Variants in SLC26A8 observed in about 807,000 individuals in gnomAD.
The protein encoded by SLC26A8 is solute carrier family 26 member 8, also known as testis anion transporter 1.
SLC26A8 carries 70 observed loss-of-function variants against 105.0 expected under a neutral mutation model. The observed-to-expected ratio is 0.67, with a 90% confidence interval of 0.55 to 0.81. The LOEUF (loss-of-function observed/expected upper bound fraction) is 0.81. SLC26A8 is among the 40% of genes least tolerant of loss of function. The pLI, the probability that SLC26A8 is intolerant of heterozygous loss-of-function variation, is 0.00. For missense variants in SLC26A8, 998 were observed against 1,181.8 expected (o/e 0.84, Z 2.28); for synonymous variants, 415 against 438.3 (o/e 0.95, Z 0.66).
intron 1 of SLC26A8, among the ~76,000 whole-genome samples, chr6:36,021,834 A>G (rs1399944243): frequency 6.6e-6 from 1 of 152,062 alleles, no homozygotes; most frequent in African/African-American, 2.4e-5. Flanking sequence ...CCCAGGCTGG[A>G]GTGCAGTGGC....
intron 2 of SLC26A8, among the ~76,000 whole-genome samples, chr6:36,016,289 G>A (rs749636270): frequency 6.6e-5 from 10 of 152,136 alleles, no homozygotes; most frequent in East Asian, 3.8e-4. Flanking sequence ...CACTGCACCC[G>A]GCCAGGGTTC....
At chr6:36,009,370 AC>A (rs1232154771) in intron 3 of SLC26A8, among the ~76,000 whole-genome samples, 2 of 152,010 alleles carry the variant, frequency 1.3e-5, no homozygotes, top group African/African-American at 4.8e-5. Context: ...AACAACAACA[AC>A]AACAACAACA....
chr6:36,007,463 T>A (rs1562067692), intron 3 of SLC26A8, among the ~76,000 whole-genome samples: 1 of 152,014 alleles, frequency 6.6e-6, no homozygotes, highest in South Asian at 2.1e-4. Context: ...CCTAAATAAA[T>A]GGAGAGACAC....
intron 19 of SLC26A8, among the ~76,000 whole-genome samples, chr6:35,944,980 G>C (rs772862615): frequency 5.9e-5 from 9 of 152,012 alleles, no homozygotes; most frequent in Non-Finnish European, 8.8e-5. Context: ...CTCCCAAGTA[G>C]TTGGGACTAC....
intron 16 of SLC26A8, among the ~76,000 whole-genome samples, chr6:35,956,090 A>C (rs1001068235): frequency 6.6e-6 from 1 of 152,140 alleles, no homozygotes; most frequent in African/African-American, 2.4e-5. Flanking sequence ...AAAATACAAA[A>C]CAATAAAAAA....
At chr6:35,991,514 TAGA>T in intron 7 of SLC26A8, 142 bp downstream of exon 7, 1 of 573,406 alleles carries the variant, frequency 1.7e-6, no homozygotes. Flanking sequence ...TAAAATATTT[TAGA>T]AAAAGAAAAC....
chr6:35,954,421 G>T (rs1771981182), intron 17 of SLC26A8, among the ~76,000 whole-genome samples: 1 of 152,150 alleles, frequency 6.6e-6, no homozygotes, highest in African/African-American at 2.4e-5. Context: ...TTACAGTGCT[G>T]GCTCAGATCA....
At chr6:35,955,577 A>G in intron 16 of SLC26A8, 57 bp from the exon 17 acceptor site, 1 of 1,575,486 alleles carries the variant, frequency 6.3e-7, no homozygotes, top group Non-Finnish European at 8.6e-7. Flanking sequence ...GGCCGGAAGG[A>G]CTTGCAACGA....
At chr6:35,992,790 G>T in intron 5 of SLC26A8, 116 bp from the exon 6 acceptor site, 1 of 1,033,668 alleles carries the variant, frequency 9.7e-7, no homozygotes, top group Non-Finnish European at 1.4e-6. Flanking sequence ...AGGCCCCTTT[G>T]GTAACTCTTG....
intron 2 of SLC26A8, 113 bp from the exon 3 acceptor site, chr6:36,012,485 T>A: frequency 1.7e-6 from 2 of 1,183,810 alleles, no homozygotes; most frequent in Non-Finnish European, 2.3e-6. Flanking sequence ...TTGTCAGCAC[T>A]AATGAGAGTT....
intron 5 of SLC26A8, among the ~76,000 whole-genome samples, chr6:35,992,944 T>C (rs1195029539): frequency 1.3e-5 from 2 of 152,150 alleles, no homozygotes; most frequent in South Asian, 4.1e-4. Flanking sequence ...TAGAATCTAC[T>C]GCTCTCTAGG....
chr6:36,022,323 T>C (rs1762146952), intron 1 of SLC26A8, among the ~76,000 whole-genome samples: 1 of 152,306 alleles, frequency 6.6e-6, no homozygotes, highest in Admixed American at 6.5e-5. Flanking sequence ...TTTGGGAAGA[T>C]GAAATGTGCC....
chr6:36,009,703 G>A (rs898713088), intron 3 of SLC26A8, among the ~76,000 whole-genome samples: 5 of 152,174 alleles, frequency 3.3e-5, no homozygotes, highest in African/African-American at 1.2e-4. Context: ...GTTAGGGACA[G>A]GAGGCAGGTA....
intron 9 of SLC26A8, among the ~76,000 whole-genome samples, chr6:35,976,550 C>CTTTTT (rs371327114): frequency 1.5e-5 from 2 of 130,182 alleles, no homozygotes; most frequent in Non-Finnish European, 3.2e-5. Flanking sequence ...GAAGCCCTCG[C>CTTTTT]TTTTTTTTTT....
Position 35,992,667 on chromosome 6 carries a change from AT to A in SLC26A8, c.634del (p.Met212TrpfsTer18). The A allele has an allele frequency of 6.2e-7, 1 of 1,608,422 alleles. No homozygotes were observed. The highest frequency in any genetic ancestry group is 8.5e-7 in the Non-Finnish European group (1 of 1,177,876). On this transcript the variant is annotated frameshift_variant, in exon 6 of 20. Transcript: ENST00000490799. LOFTEE classifies it high-confidence loss of function. ...TFLTGIIQLIMGVLGLGFIAT... is the reference protein window; with the variant it reads ...TFLTGIIQLIXGVLGLGFIAT... ...AATGAAGCCCAAACCCAATACGCCCATTATTAGCTGCAGAGAAGAGAAAACC... is the reference window on the plus strand; with the variant it reads ...AATGAAGCCCAAACCCAATACGCCCATATTAGCTGCAGAGAAGAGAAAACC...
At chr6:35,997,638 A>C in intron 5 of SLC26A8, 100 bp downstream of exon 5, 1 of 1,170,884 alleles carries the variant, frequency 8.5e-7, no homozygotes. Flanking sequence ...CTGAAGTTCC[A>C]GGTATATCAC....
intron 19 of SLC26A8, 59 bp downstream of exon 19, chr6:35,951,104 C>CA: frequency 2.1e-6 from 3 of 1,463,038 alleles, no homozygotes; most frequent in Non-Finnish European, 1.9e-6. Context: ...ACCCCTCACC[C>CA]ATCCCCCCAC....
intron 4 of SLC26A8, among the ~76,000 whole-genome samples, chr6:35,999,281 A>G (rs9470191): frequency 0.38 from 58,069 of 152,050 alleles, 12,049 homozygotes; most frequent in South Asian, 0.56. Flanking sequence ...TATATAAAGA[A>G]TGTGTCATTC....
chr6:35,982,216 A>T lies in SLC26A8; in HGVS notation c.943-13T>A. ...TGAAGCCAATAATCTGTAGGGGGTA[A>T]AAAAAGAAGGGATGGGGGCATATGA... On this transcript the variant is annotated splice_polypyrimidine_tract_variant and intron_variant, in intron 7 of 19. Transcript: ENST00000490799. The T allele has an allele frequency of 6.2e-7, 1 of 1,613,630 alleles. No individual in the cohort carries two copies. The highest frequency in any genetic ancestry group is 2.2e-5 in the East Asian group (1 of 44,876).
Sources: gnomAD v4.1 joint callset for allele counts (sites outside exome capture counted in the v4.1 genomes callset) on GRCh38, gnomAD v4.1.1 for gene constraint, MANE v1.5 for transcripts, NCBI Gene and HGNC (gene_info 2026-07-23, HGNC 2026-07-21) for gene names.